Variants in SEMG2 observed in about 807,000 individuals in gnomAD.
The protein encoded by SEMG2 is semenogelin 2, also known as semenogelin-2.
SEMG2 carries 3 observed loss-of-function variants against 8.1 expected under a neutral mutation model. The observed-to-expected ratio is 0.37, with a 90% CI of 0.17 to 0.96. SEMG2 has a LOEUF of 0.96. Among genes scored for constraint, SEMG2 ranks in the 40% least tolerant of loss-of-function variants. The pLI is 0.41. For synonymous variants in SEMG2, 252 were observed against 231.4 expected (o/e 1.09, Z -0.81); for missense variants, 726 against 671.2 (o/e 1.08, Z -0.90).
Position 45,221,727 on chromosome 20 carries a change from T to C in SEMG2, c.95T>C (p.Leu32Ser). 6.2e-7 allele frequency: 1 copy of C among 1,608,848 alleles called. No homozygotes were observed. The highest frequency in any genetic ancestry group is 1.1e-5 in the South Asian group (1 of 89,674). ...MGQKGGSKGQ[L>S]PSGSSQFPHG... The stretch of plus-strand genomic sequence containing the variant: ...TTACCAGGTGGATCAAAAGGCCAAT[T>C]GCCAAGCGGATCTTCCCAATTTCCA... Residue 32 changes from leucine (L) to serine (S), a missense_variant, in exon 2 of 3, where the codon TTG (leucine) becomes TCG (serine). Coordinates refer to ENST00000372769, the MANE Select transcript of SEMG2 (RefSeq NM_003008.3).
Position 45,222,904 on chromosome 20 carries a change from T to A in SEMG2, c.1272T>A (p.Asp424Glu). 6.2e-7 allele frequency: 1 copy of A among 1,611,376 alleles called. No individual in the cohort carries two copies. Among genetic ancestry groups the A allele is most frequent in the Non-Finnish European group, 8.5e-7 (1 of 1,179,450 alleles). Reference sequence around the variant, plus strand: ...GACGTCTCAACAGTGGAGAAAAGGATGTACAGAAAGGTGTATCCAAAGGCA... The same window carrying A: ...GACGTCTCAACAGTGGAGAAAAGGAAGTACAGAAAGGTGTATCCAAAGGCA... ...EERRLNSGEKDVQKGVSKGSI... is the reference protein window; with the variant it reads ...EERRLNSGEKEVQKGVSKGSI... The change falls in exon 2 of 3, where the codon GAT (aspartate) becomes GAA (glutamate). Residue 424 changes from aspartate (D) to glutamate (E), a missense_variant. Asp to Glu is a conservative substitution (Grantham distance 45). Coordinates refer to ENST00000372769, the MANE Select transcript of SEMG2 (RefSeq NM_003008.3).
intron 1 of SEMG2, 36 bp downstream of exon 1, chr20:45,221,501 T>C (rs1244923573): frequency 3.0e-5 from 49 of 1,609,898 alleles, no homozygotes; most frequent in Non-Finnish European, 4.1e-5. Context: ...GAAAGCTACT[T>C]TAAAAAAATG....
Position 45,222,293 on chromosome 20 carries a change from C to G in SEMG2, c.661C>G (p.Gln221Glu), listed in dbSNP as rs754056244. The change falls in exon 2 of 3, where the codon CAA becomes GAA. Residue 221 changes from glutamine (Q) to glutamate (E), a missense_variant. Coordinates refer to ENST00000372769, the MANE Select transcript of SEMG2 (RefSeq NM_003008.3). Reference protein sequence around the residue: ...KNSHQNKGHYQNVVDVREEHS... With the variant: ...KNSHQNKGHYENVVDVREEHS... ...TTCTCATCAAAATAAAGGGCATTAC[C>G]AAAATGTGGTTGACGTGAGAGAGGA... The G allele has an allele frequency of 1.4e-5, 22 of 1,613,870 alleles. No individual in the cohort carries two copies. Among genetic ancestry groups the G allele is most frequent in the Admixed American group, 1.7e-5 (1 of 59,984 alleles).
Position 45,222,939 on chromosome 20 carries a change from T to A in SEMG2, c.1307T>A (p.Ile436Asn). 11 of 1,613,390 alleles carry A rather than the reference T, an allele frequency of 6.8e-6. No individual in the cohort carries two copies. Among genetic ancestry groups the A allele is most frequent in the Non-Finnish European group, 8.5e-6 (10 of 1,179,892 alleles). Residue 436 changes from isoleucine to asparagine, a missense_variant, in exon 2 of 3, where the codon ATC (isoleucine) becomes AAC (asparagine). Physicochemically the swap from Ile to Asn is moderately radical, Grantham distance 149. Coordinates refer to ENST00000372769, the MANE Select transcript of SEMG2 (RefSeq NM_003008.3). Reference sequence around the variant, plus strand: ...GGTGTATCCAAAGGCAGTATTTCTATCCAAACTGAAGAGAAAATACATGGC... The same window carrying A: ...GGTGTATCCAAAGGCAGTATTTCTAACCAAACTGAAGAGAAAATACATGGC... ...QKGVSKGSIS[I>N]QTEEKIHGKS... is the part of the protein sequence containing the mutation.
Position 45,223,444 on chromosome 20 carries a change from C to A in SEMG2, c.*44+19C>A. Reference sequence around the variant, plus strand: ...TAGCAAGGTAAGTTTGCTTTTCTTACCAAATAGGAGAGGTGCCTGTCCCAA... The same window carrying A: ...TAGCAAGGTAAGTTTGCTTTTCTTAACAAATAGGAGAGGTGCCTGTCCCAA... On this transcript the variant is annotated intron_variant, in intron 2 of 2. Coordinates refer to ENST00000372769, the MANE Select transcript of SEMG2 (RefSeq NM_003008.3). The A allele has an allele frequency of 8.2e-7, 1 of 1,222,070 alleles. No homozygotes were observed. 75.7% of individuals were successfully genotyped at this position (1,222,070 alleles called of 1,614,324 possible). A position where few individuals can be genotyped will look rare whatever the true frequency, so the allele number is the denominator to read the frequency against.
At chr20:45,224,256 A>T (rs1256605884) in intron 2 of SEMG2, 35 bp from the exon 3 acceptor site, 1 of 152,270 alleles carries the variant, frequency 6.6e-6, no homozygotes, top group Non-Finnish European at 1.5e-5. Context: ...ACTCTCCACT[A>T]TCCTCACATA....
Position 45,223,397 on chromosome 20 carries a change from A to G in SEMG2, c.*16A>G. On this transcript the variant is annotated 3_prime_UTR_variant, in exon 2 of 3. Transcript: ENST00000372769. ...ATCTACATAGCCCTGTTGCTTAGCAACCACTTGAAAAGCTGGACCAATAGC... is the reference window on the plus strand; with the variant it reads ...ATCTACATAGCCCTGTTGCTTAGCAGCCACTTGAAAAGCTGGACCAATAGC... The G allele has an allele frequency of 6.4e-7, 1 of 1,564,888 alleles. No homozygotes were observed. The highest frequency in any genetic ancestry group is 8.7e-7 in the Non-Finnish European group (1 of 1,145,270).
At position 45,223,179 on chromosome 20, in the gene SEMG2, A is replaced by T. The variant is rs1161760984; in HGVS notation, c.1547A>T (p.Asp516Val). ...SQIQTPNPNQ[D>V]QWSGQNAKGK... ...ATCCAGACACCAAATCCTAATCAAG[A>T]TCAATGGTCTGGCCAAAATGCAAAA... The change falls in exon 2 of 3, where the codon GAT becomes GTT. Residue 516 changes from aspartate to valine, a missense_variant. Transcript: ENST00000372769. 3 of 1,614,168 alleles carry T rather than the reference A, an allele frequency of 1.9e-6. No homozygotes were observed. Among genetic ancestry groups the T allele is most frequent in the Non-Finnish European group, 2.5e-6 (3 of 1,180,022 alleles).
rs1984046989 is a variant in SEMG2, at chr20:45,222,601, T to C, written c.969T>C (p.His323=). The C allele has an allele frequency of 2.5e-6, 4 of 1,613,966 alleles. No homozygotes were observed. The South Asian group carries it at 3.3e-5, about 13-fold the overall frequency. ...SISIQTEEKI[H]GKSQNQVTIH... ...CTATCCAAACTGAAGAGAAAATACATGGCAAGTCTCAAAACCAGGTAACAA... is the reference window on the plus strand; with the variant it reads ...CTATCCAAACTGAAGAGAAAATACACGGCAAGTCTCAAAACCAGGTAACAA... The change falls in exon 2 of 3, where the codon CAT becomes CAC. Residue 323 remains histidine (H), a synonymous_variant. Transcript: ENST00000372769.
rs2233902 is a variant in SEMG2, at chr20:45,222,460, T to C, written c.828T>C (p.Asp276=). The C allele has an allele frequency of 4.0e-3, 6,493 of 1,613,984 alleles. 103 individuals carry two copies. The African/African-American group carries it at 0.043, about 11-fold the overall frequency. ...ACCAGACAAAAAATCTCAGTCAAGA[T>C]CAAGAGCATGGCCGGAAGGCACATA... is the stretch of plus-strand genomic sequence containing the variant. ...NQHQTKNLSQ[D]QEHGRKAHKI... The change falls in exon 2 of 3, where the codon GAT becomes GAC. Residue 276 remains aspartate (D), a synonymous_variant. Coordinates refer to ENST00000372769, the MANE Select transcript of SEMG2 (RefSeq NM_003008.3).
chr20:45,222,618 A>G lies in SEMG2; in HGVS notation c.986A>G (p.Gln329Arg). Residue 329 changes from glutamine to arginine, a missense_variant, in exon 2 of 3, where the codon CAG becomes CGG. Coordinates refer to ENST00000372769, the MANE Select transcript of SEMG2 (RefSeq NM_003008.3). ...EEKIHGKSQN[Q>R]VTIHSQDQEH... The stretch of plus-strand genomic sequence containing the variant: ...AAAATACATGGCAAGTCTCAAAACC[A>G]GGTAACAATTCATAGTCAAGATCAA... The G allele has an allele frequency of 6.2e-7, 1 of 1,614,180 alleles. No individual in the cohort carries two copies. Among genetic ancestry groups the G allele is most frequent in the East Asian group, 2.2e-5 (1 of 44,872 alleles).
In SEMG2 at chr20:45,222,393, T is replaced by C; in HGVS notation, c.761T>C (p.Phe254Ser). 1 of 1,614,110 alleles carries C rather than the reference T, an allele frequency of 6.2e-7. No individual in the cohort carries two copies. Among genetic ancestry groups the C allele is most frequent in the Non-Finnish European group, 8.5e-7 (1 of 1,180,000 alleles). Reference protein sequence around the residue: ...DRLQHGPKDIFTTQDELLVYN... With the variant: ...DRLQHGPKDISTTQDELLVYN... Reference sequence around the variant, plus strand: ...CTCCAACATGGACCCAAAGACATTTTTACTACCCAAGATGAGCTCCTAGTA... The same window carrying C: ...CTCCAACATGGACCCAAAGACATTTCTACTACCCAAGATGAGCTCCTAGTA... Residue 254 changes from phenylalanine to serine, a missense_variant, in exon 2 of 3, where the codon TTT becomes TCT. By Grantham distance (155) the Phe-to-Ser change is radical. Transcript: ENST00000372769.
Position 45,223,322 on chromosome 20 carries a change from G to A in SEMG2, c.1690G>A (p.Ala564Thr). ...HNIVITEHEV[A>T]QDDHLTQQYN... ...TATTGTAATTACTGAGCATGAGGTT[G>A]CCCAAGATGATCATTTGACACAACA... is the stretch of plus-strand genomic sequence containing the variant. Residue 564 changes from alanine to threonine, a missense_variant, in exon 2 of 3, where the codon GCC becomes ACC. Transcript: ENST00000372769. 1.2e-6 allele frequency: 2 copies of A among 1,614,050 alleles called. No individual in the cohort carries two copies. Among genetic ancestry groups the A allele is most frequent in the Non-Finnish European group, 1.7e-6 (2 of 1,179,930 alleles).
At position 45,223,313 on chromosome 20, in the gene SEMG2, C is replaced by G. The variant is rs1052728971; in HGVS notation, c.1681C>G (p.His561Asp). The G allele has an allele frequency of 6.2e-7, 1 of 1,614,028 alleles. No individual in the cohort carries two copies. The highest frequency in any genetic ancestry group is 1.3e-5 in the African/African-American group (1 of 75,036). ...SESHNIVITE[H>D]EVAQDDHLTQ... Reference sequence around the variant, plus strand: ...GTCACATAATATTGTAATTACTGAGCATGAGGTTGCCCAAGATGATCATTT... The same window carrying G: ...GTCACATAATATTGTAATTACTGAGGATGAGGTTGCCCAAGATGATCATTT... The change falls in exon 2 of 3, where the codon CAT becomes GAT. Residue 561 changes from histidine (H) to aspartate (D), a missense_variant. Transcript: ENST00000372769.
At position 45,222,704 on chromosome 20, in the gene SEMG2, C is replaced by A; in HGVS notation, c.1072C>A (p.Leu358Ile). 1 of 1,612,846 alleles carries A rather than the reference C, an allele frequency of 6.2e-7. No homozygotes were observed. The highest frequency in any genetic ancestry group is 8.5e-7 in the Non-Finnish European group (1 of 1,179,734). The change falls in exon 2 of 3, where the codon CTC (leucine) becomes ATC (isoleucine). Residue 358 changes from leucine (L) to isoleucine (I), a missense_variant. Coordinates refer to ENST00000372769, the MANE Select transcript of SEMG2 (RefSeq NM_003008.3). ...ATCTTCAAGTACAGAAGAAAGACAT[C>A]TCAACTGTGGAGAAAAGGGCATCCA... ...YQSSSTEERH[L>I]NCGEKGIQKG...
At position 45,223,383 on chromosome 20, in the gene SEMG2, C is replaced by A. The variant is rs764255139; in HGVS notation, c.*2C>A. On this transcript the variant is annotated 3_prime_UTR_variant, in exon 2 of 3. Transcript: ENST00000372769. ...GACAGAAATCCAATATCTACATAGC[C>A]CTGTTGCTTAGCAACCACTTGAAAA... is the stretch of plus-strand genomic sequence containing the variant. 5.7e-6 allele frequency: 9 copies of A among 1,591,892 alleles called. No homozygotes were observed. In the African/African-American group the frequency reaches 1.1e-4, roughly 19 times the overall value.
rs139977707 is a variant in SEMG2, at chr20:45,223,286, G to C, written c.1654G>C (p.Glu552Gln). ...QKGRYKQESSESHNIVITEHE... is the reference protein window; with the variant it reads ...QKGRYKQESSQSHNIVITEHE... ...AGGCAGATACAAACAGGAATCCAGTGAGTCACATAATATTGTAATTACTGA... is the reference window on the plus strand; with the variant it reads ...AGGCAGATACAAACAGGAATCCAGTCAGTCACATAATATTGTAATTACTGA... Residue 552 changes from glutamate (E) to glutamine (Q), a missense_variant, in exon 2 of 3, where the codon GAG becomes CAG. Transcript: ENST00000372769. 3.2e-4 allele frequency: 512 copies of C among 1,614,086 alleles called. 1 individual carries two copies. The highest frequency in any genetic ancestry group is 2.3e-3 in the Middle Eastern group (14 of 6,062).
chr20:45,221,488 G>A (rs1435624188), intron 1 of SEMG2, 23 bp downstream of exon 1: 2 of 1,613,128 alleles, frequency 1.2e-6, no homozygotes, highest in Non-Finnish European at 1.7e-6. Flanking sequence ...GGTAAGCCTT[G>A]GGGAAAGCTA....
rs374489769 is a variant in SEMG2, at chr20:45,221,778, T to C, written c.146T>C (p.Phe49Ser). ...FPHGQKGQHY[F>S]GQKDQQHTKS... Reference sequence around the variant, plus strand: ...CATGGACAAAAGGGCCAGCACTATTTTGGACAAAAAGACCAACAACATACT... The same window carrying C: ...CATGGACAAAAGGGCCAGCACTATTCTGGACAAAAAGACCAACAACATACT... The change falls in exon 2 of 3, where the codon TTT (phenylalanine) becomes TCT (serine). Residue 49 changes from phenylalanine to serine, a missense_variant. Coordinates refer to ENST00000372769, the MANE Select transcript of SEMG2 (RefSeq NM_003008.3). 276 of 1,613,948 alleles carry C rather than the reference T, an allele frequency of 1.7e-4. No homozygotes were observed. Among genetic ancestry groups the C allele is most frequent in the Non-Finnish European group, 2.1e-4 (248 of 1,180,002 alleles).
Sources: allele counts gnomAD v4.1 joint callset, GRCh38; gene constraint gnomAD v4.1.1; transcripts MANE v1.5; gene names NCBI Gene and HGNC (gene_info 2026-07-23, HGNC 2026-07-21).